The following HEATR3 variants were observed in gnomAD, a reference collection of about 807,000 sequenced individuals.
HEATR3 encodes the protein HEAT repeat-containing protein 3.
Under a neutral mutation model 72.8 loss-of-function variants are expected in HEATR3, and 56 were observed. That is an observed-to-expected ratio of 0.77 (90% CI 0.62 to 0.96). The LOEUF is 0.96. Ranked by LOEUF, HEATR3 falls within the 40% of genes least tolerant of loss-of-function variation. The probability of loss-of-function intolerance (pLI) is 0.00; values close to 1 mark genes in which losing one functional copy is unlikely to be tolerated. For missense variants in HEATR3, 747 were observed against 831.4 expected (o/e 0.90, Z 1.25); for synonymous variants, 331 against 318.1 (o/e 1.04, Z -0.43).
chr16:50,101,143 C>T (rs2037356772), intron 13 of HEATR3, among the ~76,000 whole-genome samples: 1 of 146,828 alleles, frequency 6.8e-6, no homozygotes, highest in Non-Finnish European at 1.5e-5. Flanking sequence ...GATGGAGTCT[C>T]AGTCACCCAG....
In HEATR3 at chr16:50,102,241, G is replaced by A. The variant is rs1376355493; in HGVS notation, c.1744-18G>A. The A allele has an allele frequency of 1.9e-6, 3 of 1,603,988 alleles. No homozygotes were observed. Among genetic ancestry groups the A allele is most frequent in the Non-Finnish European group, 1.7e-6 (2 of 1,175,830 alleles). ...GAGACTGGTGTTAGTCATACTAAAT[G>A]TGTTTTGTTGTTTCCAGAACATTGG... On this transcript the variant is annotated intron_variant, in intron 13 of 14. Coordinates refer to ENST00000299192, the MANE Select transcript of HEATR3 (RefSeq NM_182922.4).
At chr16:50,071,389 G>C (rs1431273457) in intron 4 of HEATR3, among the ~76,000 whole-genome samples, 1 of 152,238 alleles carries the variant, frequency 6.6e-6, no homozygotes, top group Non-Finnish European at 1.5e-5. Context: ...AGAGAGATCA[G>C]ATCTGAGGAA....
intron 12 of HEATR3, 75 bp from the exon 13 acceptor site, chr16:50,100,155 T>C: frequency 6.9e-7 from 1 of 1,441,516 alleles, no homozygotes; most frequent in Non-Finnish European, 9.5e-7. Flanking sequence ...GAGATTCCTG[T>C]CAGTCCGGTT....
chr16:50,077,230 T>C (rs1452634341), intron 6 of HEATR3, among the ~76,000 whole-genome samples: 1 of 152,054 alleles, frequency 6.6e-6, no homozygotes, highest in East Asian at 1.9e-4. Flanking sequence ...CAGGCTGGTC[T>C]CGAACTCCTG....
intron 7 of HEATR3, 106 bp from the exon 8 acceptor site, chr16:50,083,831 A>G (rs1030939040): frequency 5.3e-6 from 5 of 945,016 alleles, no homozygotes; most frequent in African/African-American, 1.7e-5. Flanking sequence ...CGTGTGCTCT[A>G]TTCCAAGCGC....
chr16:50,101,162 A>T (rs1358380869), intron 13 of HEATR3, among the ~76,000 whole-genome samples: 1 of 148,058 alleles, frequency 6.8e-6, no homozygotes, highest in East Asian at 2.0e-4. Context: ...AGGCTGGAGT[A>T]CAGTAGTGCA....
At chr16:50,072,751 G>T in intron 5 of HEATR3, 37 bp downstream of exon 5, 1 of 1,310,628 alleles carries the variant, frequency 7.6e-7, no homozygotes, top group Non-Finnish European at 1.1e-6. Context: ...TTAAGAATGT[G>T]TAGCCTTATT....
chr16:50,087,986 G>T (rs2037024793), intron 11 of HEATR3, among the ~76,000 whole-genome samples: 1 of 152,112 alleles, frequency 6.6e-6, no homozygotes, highest in Non-Finnish European at 1.5e-5. Context: ...AATTAGCCAG[G>T]CGTGGTGGCA....
At chr16:50,088,120 T>G (rs1328069400) in intron 11 of HEATR3, among the ~76,000 whole-genome samples, 1 of 152,022 alleles carries the variant, frequency 6.6e-6, no homozygotes. Flanking sequence ...AGAGTGAAAC[T>G]CCGTTTCAAA....
chr16:50,077,818 A>G (rs1392922526), intron 6 of HEATR3, among the ~76,000 whole-genome samples: 1 of 150,102 alleles, frequency 6.7e-6, no homozygotes, highest in Non-Finnish European at 1.5e-5. Flanking sequence ...GTTGATGGAC[A>G]CTTGGGTTAC....
In HEATR3 at chr16:50,100,275, CATA is replaced by C. The variant is rs752015610; in HGVS notation, c.1646_1648del (p.His549_Ser550delinsArg). On this transcript the variant is annotated inframe_deletion, in exon 13 of 15. Transcript: ENST00000299192. ...GATGACATTATGCAAAGCAGGCATT[CATA>C]GTAGTAATGTCGGGGTTAGAGTGAA... 2 of 1,613,778 alleles carry C rather than the reference CATA, an allele frequency of 1.2e-6. No homozygotes were observed. The highest frequency in any genetic ancestry group is 1.7e-5 in the Admixed American group (1 of 59,994).
chr16:50,087,179 T>C (rs1199180944), intron 11 of HEATR3, among the ~76,000 whole-genome samples: 1 of 151,982 alleles, frequency 6.6e-6, no homozygotes, highest in Non-Finnish European at 1.5e-5. Context: ...CGGGCATGCG[T>C]GCGTGTGTGT....
rs555142601 is a variant in HEATR3, at chr16:50,066,023, A to G, written c.-109A>G. The G allele has an allele frequency of 1.1e-4, 110 of 1,030,312 alleles. 2 individuals carry two copies. The South Asian group carries it at 1.4e-3, about 13-fold the overall frequency. The allele number at this position is 1,030,312 out of a possible 1,614,324, so 63.8% of individuals were successfully genotyped here. On this transcript the variant is annotated 5_prime_UTR_variant, in exon 1 of 15. Coordinates refer to ENST00000299192, the MANE Select transcript of HEATR3 (RefSeq NM_182922.4). ...CTTGCCCATGTGTGCTGCAGCCGTC[A>G]GCCGGCCCAGCTGAGCAGCAGCAAC...
chr16:50,094,775 C>T lies in HEATR3; in HGVS notation c.1581C>T (p.Ala527=). ...TGAGGGCCCTTTTGCAAACAATGGC[C>T]TCCAAGAACATTTCCCAGGTAAGAG... ...SALRALLQTM[A]SKNISQCMTP... The change falls in exon 12 of 15, where the codon GCC becomes GCT. Residue 527 remains alanine (A), a synonymous_variant. Transcript: ENST00000299192. The T allele has an allele frequency of 6.3e-7, 1 of 1,594,532 alleles. No homozygotes were observed. The highest frequency in any genetic ancestry group is 8.5e-7 in the Non-Finnish European group (1 of 1,171,140).
chr16:50,084,069 A>C, intron 8 of HEATR3, 42 bp downstream of exon 8: 1 of 1,613,896 alleles, frequency 6.2e-7, no homozygotes, highest in Admixed American at 1.7e-5. Flanking sequence ...CCCTGAGCCA[A>C]GAGGGAAACT....
intron 7 of HEATR3, among the ~76,000 whole-genome samples, chr16:50,083,699 A>G (rs183605480): frequency 1.3e-5 from 2 of 152,300 alleles, no homozygotes; most frequent in East Asian, 3.9e-4. Flanking sequence ...CGCTTGGGGA[A>G]TAGCCATGCA....
Position 50,065,974 on chromosome 16 carries a change from G to T in HEATR3, c.-158G>T. On this transcript the variant is annotated 5_prime_UTR_variant, in exon 1 of 15. Transcript: ENST00000299192. ...CCGCCCCAACCCCGACCCGGCAGAC[G>T]ACGCGCCGTGCGCCTGCGCACGGCT... is the stretch of plus-strand genomic sequence containing the variant. The T allele has an allele frequency of 5.4e-6, 1 of 185,830 alleles. No individual in the cohort carries two copies. The highest frequency in any genetic ancestry group is 1.0e-5 in the Non-Finnish European group (1 of 99,156). The allele number at this position is 185,830 out of a possible 1,614,324, so 11.5% of individuals were successfully genotyped here.
chr16:50,086,324 C>A lies in HEATR3; in HGVS notation c.1483C>A (p.Leu495Met). The change falls in exon 11 of 15, where the codon CTG (leucine) becomes ATG (methionine). Residue 495 changes from leucine (L) to methionine (M), a missense_variant. Transcript: ENST00000299192. ...AGCCCTTCAGACGCTTGCACAGCAT[C>A]TGTCACAGCTGCTTTTTTCTCAACC... The part of the protein sequence containing the change: ...AAALQTLAQH[L>M]SQLLFSQPDF... 1 of 1,599,856 alleles carries A rather than the reference C, an allele frequency of 6.3e-7. No homozygotes were observed. Among genetic ancestry groups the A allele is most frequent in the Non-Finnish European group, 8.5e-7 (1 of 1,173,092 alleles).
intron 12 of HEATR3, chr16:50,098,287 A>T (rs186698582): frequency 2.6e-5 from 4 of 152,280 alleles, no homozygotes; most frequent in Non-Finnish European, 4.4e-5. Flanking sequence ...GTAGTGGGTT[A>T]TCAGGACTTA....
Sources: gnomAD v4.1 joint callset for allele counts (sites outside exome capture counted in the v4.1 genomes callset) on GRCh38, gnomAD v4.1.1 for gene constraint, MANE v1.5 for transcripts, NCBI Gene and HGNC (gene_info 2026-07-23, HGNC 2026-07-21) for gene names.